RGS7: variants seen among roughly 807,000 people sequenced by gnomAD.
RGS7 encodes the protein regulator of G protein signaling 7.
Under a neutral mutation model 81.1 loss-of-function variants are expected in RGS7, and 27 were observed. That is an observed-to-expected ratio of 0.33 (90% confidence interval 0.25 to 0.46). The LOEUF is 0.46. Ranked by LOEUF, RGS7 falls within the 20% of genes least tolerant of loss-of-function variation. The pLI, the probability that RGS7 is intolerant of heterozygous loss-of-function variation, is 1.00. For synonymous variants in RGS7, 208 were observed against 207.7 expected, an observed-to-expected ratio of 1.00 and a Z score of -0.01; for missense variants, 396 against 607.4, an observed-to-expected ratio of 0.65 and a Z score of 3.66.
intron 6 of RGS7, among the ~76,000 whole-genome samples, chr1:240,928,097 C>T (rs1432776037): frequency 6.6e-6 from 1 of 152,200 alleles, no homozygotes; most frequent in Non-Finnish European, 1.5e-5. Context: ...GCATACATTA[C>T]CCGTAGCTGT....
intron 18 of RGS7, among the ~76,000 whole-genome samples, chr1:240,789,644 C>T (rs1685649152): frequency 6.6e-6 from 1 of 152,136 alleles, no homozygotes; most frequent in Non-Finnish European, 1.5e-5. Flanking sequence ...GTAGCGCTCC[C>T]AGGCTTATTA....
intron 2 of RGS7, among the ~76,000 whole-genome samples, chr1:241,313,177 T>C (rs1343020321): frequency 2.0e-5 from 3 of 152,226 alleles, no homozygotes; most frequent in Admixed American, 2.0e-4. Flanking sequence ...AAGCAGCAAA[T>C]GCTGATGAAG....
At chr1:240,807,446 G>T (rs1029881004) in intron 14 of RGS7, among the ~76,000 whole-genome samples, 6 of 152,050 alleles carry the variant, frequency 3.9e-5, no homozygotes, top group Non-Finnish European at 7.4e-5. Context: ...CTTAAGAGAG[G>T]CACAGGTGAT....
intron 3 of RGS7, among the ~76,000 whole-genome samples, chr1:241,090,682 G>A (rs1269304588): frequency 6.6e-6 from 1 of 152,082 alleles, no homozygotes; most frequent in African/African-American, 2.4e-5. Context: ...CCTTCACTGG[G>A]TTCTCTGAAT....
intron 2 of RGS7, among the ~76,000 whole-genome samples, chr1:241,111,786 C>T (rs1402772783): frequency 6.6e-6 from 1 of 152,184 alleles, no homozygotes; most frequent in Non-Finnish European, 1.5e-5. Flanking sequence ...TAATCCTACA[C>T]TGCAAACCAG....
chr1:240,926,734 G>C (rs1363073023), intron 6 of RGS7, among the ~76,000 whole-genome samples: 2 of 152,124 alleles, frequency 1.3e-5, no homozygotes. Flanking sequence ...ATCTGGGAAA[G>C]CCCATTTCTG....
intron 2 of RGS7, among the ~76,000 whole-genome samples, chr1:241,343,696 G>A (rs577864442): frequency 2.0e-5 from 3 of 152,290 alleles, no homozygotes; most frequent in African/African-American, 7.2e-5. Context: ...AATGGGACTG[G>A]TAGGGGAATG....
At chr1:241,350,790 G>A (rs937508174) in intron 2 of RGS7, among the ~76,000 whole-genome samples, 2 of 148,346 alleles carry the variant, frequency 1.3e-5, no homozygotes, top group African/African-American at 2.5e-5. Flanking sequence ...TTTTCACGAC[G>A]GGGATTTCGG....
At chr1:241,301,927 T>C (rs58876395) in intron 2 of RGS7, among the ~76,000 whole-genome samples, 6,249 of 152,274 alleles carry the variant, frequency 0.041, 451 homozygotes, top group African/African-American at 0.14. Context: ...ATCAGAAGTA[T>C]CGAGTAAAGA....
At chr1:240,925,919 T>C (rs556226767) in intron 6 of RGS7, among the ~76,000 whole-genome samples, 1 of 152,346 alleles carries the variant, frequency 6.6e-6, no homozygotes, top group East Asian at 1.9e-4. Flanking sequence ...GCTGCTTGTA[T>C]GTCTTTTTTT....
intron 3 of RGS7, among the ~76,000 whole-genome samples, chr1:241,023,297 A>C (rs911814875): frequency 2.6e-5 from 4 of 152,194 alleles, no homozygotes; most frequent in African/African-American, 9.6e-5. Flanking sequence ...CTTACTTTAG[A>C]AAACTCGTAG....
At chr1:241,023,676 A>G (rs1443443034) in intron 3 of RGS7, among the ~76,000 whole-genome samples, 1 of 152,174 alleles carries the variant, frequency 6.6e-6, no homozygotes, top group East Asian at 1.9e-4. Flanking sequence ...GCCTTAAATA[A>G]CATCTTCCTT....
chr1:241,002,029 A>C (rs1381116370), intron 3 of RGS7, among the ~76,000 whole-genome samples: 2 of 151,962 alleles, frequency 1.3e-5, no homozygotes, highest in African/African-American at 4.8e-5. Flanking sequence ...CAAATGTACT[A>C]CTCTGGTTGG....
chr1:241,221,957 A>C (rs1279863560), intron 2 of RGS7, among the ~76,000 whole-genome samples: 1 of 152,154 alleles, frequency 6.6e-6, no homozygotes, highest in Non-Finnish European at 1.5e-5. Context: ...CTTTATACAC[A>C]CACACATAGA....
chr1:241,038,580 G>A (rs1377443328), intron 3 of RGS7, among the ~76,000 whole-genome samples: 2 of 152,196 alleles, frequency 1.3e-5, no homozygotes, highest in Admixed American at 1.3e-4. Context: ...CTAAGTTCTT[G>A]AGACAATTAT....
chr1:241,327,923 G>C (rs1230471563), intron 2 of RGS7, among the ~76,000 whole-genome samples: 2 of 152,094 alleles, frequency 1.3e-5, no homozygotes, highest in East Asian at 3.8e-4. Flanking sequence ...TTCTAGTACA[G>C]ACTGTAAAAT....
At chr1:240,915,482 G>T (rs1456845833) in intron 6 of RGS7, among the ~76,000 whole-genome samples, 1 of 152,128 alleles carries the variant, frequency 6.6e-6, no homozygotes, top group Non-Finnish European at 1.5e-5. Context: ...TATGACCCAT[G>T]CCTTATTTAA....
chr1:240,897,787 C>T (rs1276998102), intron 6 of RGS7, among the ~76,000 whole-genome samples: 2 of 152,154 alleles, frequency 1.3e-5, no homozygotes, highest in Non-Finnish European at 2.9e-5. Context: ...CAGGATGACG[C>T]TGGCCTCATA....
At chr1:241,306,940 T>A (rs1437982555) in intron 2 of RGS7, among the ~76,000 whole-genome samples, 1 of 152,200 alleles carries the variant, frequency 6.6e-6, no homozygotes, top group Non-Finnish European at 1.5e-5. Flanking sequence ...CAAATCACAC[T>A]AACAACCAGG....
Sources: gnomAD v4.1 joint callset for allele counts (sites outside exome capture counted in the v4.1 genomes callset) on GRCh38, gnomAD v4.1.1 for gene constraint, MANE v1.5 for transcripts, NCBI Gene and HGNC (gene_info 2026-07-23, HGNC 2026-07-21) for gene names.